NAALADL2: variants seen among roughly 807,000 people sequenced by gnomAD.
NAALADL2 encodes N-acetylated alpha-linked acidic dipeptidase like 2.
NAALADL2 carries 76 observed loss-of-function variants against 87.2 expected under a neutral mutation model. That is an observed-to-expected ratio of 0.87 (90% CI 0.72 to 1.05). NAALADL2 has a LOEUF of 1.05. Ranked by LOEUF, NAALADL2 falls within the 50% of genes least tolerant of loss-of-function variation. NAALADL2 has a pLI of 0.00. For missense variants in NAALADL2, 1,089 were observed against 945.8 expected (o/e 1.15, Z -1.99); for synonymous variants, 354 against 331.0 (o/e 1.07, Z -0.75).
intron 2 of NAALADL2, among the ~76,000 whole-genome samples, chr3:175,142,547 T>G (rs1398715731): frequency 6.6e-6 from 1 of 152,032 alleles, no homozygotes; most frequent in East Asian, 1.9e-4. Context: ...GGACTCAGAT[T>G]TAAACCCATG....
intron 9 of NAALADL2, among the ~76,000 whole-genome samples, chr3:175,494,542 C>A (rs1360988321): frequency 1.3e-5 from 2 of 152,096 alleles, no homozygotes; most frequent in African/African-American, 4.8e-5. Context: ...AGGTCAGTTT[C>A]TTCAGTTCTA....
intron 4 of NAALADL2, among the ~76,000 whole-genome samples, chr3:175,286,417 C>T (rs1318146109): frequency 6.6e-6 from 1 of 152,150 alleles, no homozygotes; most frequent in East Asian, 1.9e-4. Flanking sequence ...GCATAGGCAC[C>T]TGTTTAAGGC....
chr3:175,360,084 T>A (rs139076146), intron 5 of NAALADL2, among the ~76,000 whole-genome samples: 32 of 152,314 alleles, frequency 2.1e-4, no homozygotes, highest in Non-Finnish European at 3.4e-4. Context: ...ACTTCATCTC[T>A]ACTCCCTATC....
At chr3:175,202,054 T>C (rs1458202984) in intron 2 of NAALADL2, among the ~76,000 whole-genome samples, 1 of 152,200 alleles carries the variant, frequency 6.6e-6, no homozygotes, top group Non-Finnish European at 1.5e-5. Flanking sequence ...TATTTATTTT[T>C]TTTTTTACAT....
intron 10 of NAALADL2, among the ~76,000 whole-genome samples, chr3:175,592,307 CTTT>C (rs758914649): frequency 6.9e-5 from 3 of 43,262 alleles, no homozygotes; most frequent in African/African-American, 9.6e-5. Flanking sequence ...TTTTTCTTTT[CTTT>C]TTTTTTTTTT....
At chr3:174,997,306 T>G (rs79611044) in intron 1 of NAALADL2, among the ~76,000 whole-genome samples, 2,285 of 152,220 alleles carry the variant, frequency 0.015, 48 homozygotes, top group African/African-American at 0.05. Flanking sequence ...TGTAACAGTG[T>G]TCCCTTTCAT....
At chr3:175,220,426 T>A (rs1743185495) in intron 2 of NAALADL2, among the ~76,000 whole-genome samples, 1 of 151,908 alleles carries the variant, frequency 6.6e-6, no homozygotes, top group Non-Finnish European at 1.5e-5. Flanking sequence ...TTTGTGACAG[T>A]TTTTTAACTT....
chr3:175,442,371 G>A (rs1003083828), intron 5 of NAALADL2, among the ~76,000 whole-genome samples: 1 of 152,092 alleles, frequency 6.6e-6, no homozygotes, highest in Non-Finnish European at 1.5e-5. Context: ...ATTGAAGTGG[G>A]CATCAACAGT....
At chr3:174,761,029 A>C (rs2109071056) in intron 3 of NAALADL2, among the ~76,000 whole-genome samples, 1 of 152,324 alleles carries the variant, frequency 6.6e-6, no homozygotes, top group South Asian at 2.1e-4. Context: ...CATTAAACTT[A>C]ACTTTCTCTT....
At chr3:174,935,521 G>A (rs530211073) in intron 1 of NAALADL2, among the ~76,000 whole-genome samples, 1 of 152,110 alleles carries the variant, frequency 6.6e-6, no homozygotes, top group Non-Finnish European at 1.5e-5. Flanking sequence ...AATTGAATTA[G>A]TAGTGGTGGA....
intron 9 of NAALADL2, among the ~76,000 whole-genome samples, chr3:175,479,069 C>T (rs932114502): frequency 6.6e-6 from 1 of 151,372 alleles, no homozygotes; most frequent in East Asian, 1.9e-4. Flanking sequence ...AAATAATAAC[C>T]GTCTCAAAAA....
At chr3:175,732,562 G>C (rs994512025) in intron 11 of NAALADL2, among the ~76,000 whole-genome samples, 1 of 152,130 alleles carries the variant, frequency 6.6e-6, no homozygotes, top group African/African-American at 2.4e-5. Context: ...AGGTAATTAT[G>C]TTCCTCTTTG....
chr3:175,466,955 G>T, intron 7 of NAALADL2, 24 bp from the exon 8 acceptor site: 1 of 1,549,782 alleles, frequency 6.5e-7, no homozygotes, highest in Non-Finnish European at 8.9e-7. Context: ...TTTTTAAATG[G>T]CTCTTGTCCC....
chr3:175,736,978 T>C (rs1001203493), intron 11 of NAALADL2, among the ~76,000 whole-genome samples: 1 of 152,174 alleles, frequency 6.6e-6, no homozygotes, highest in Admixed American at 6.5e-5. Context: ...GGTCATGTGA[T>C]ACTACGAACT....
At chr3:174,642,769 TATATATATATATATATA>T (rs1560112473) in intron 2 of NAALADL2, among the ~76,000 whole-genome samples, 3 of 36,470 alleles carry the variant, frequency 8.2e-5, no homozygotes, top group African/African-American at 5.1e-4. Context: ...TATATATATA[TATATATATATATATATA>T]TATGTTTTTT....
At chr3:175,362,108 A>T (rs533897886) in intron 5 of NAALADL2, among the ~76,000 whole-genome samples, 1 of 148,474 alleles carries the variant, frequency 6.7e-6, no homozygotes, top group East Asian at 2.0e-4. Flanking sequence ...TTCCAGCGCC[A>T]TTTATTAAAT....
intron 1 of NAALADL2, among the ~76,000 whole-genome samples, chr3:175,051,784 C>T (rs973531330): frequency 1.3e-5 from 2 of 152,172 alleles, no homozygotes; most frequent in African/African-American, 4.8e-5. Flanking sequence ...GGATTGAATT[C>T]TGAAGTACAG....
At chr3:174,526,144 A>G (rs896188876) in intron 1 of NAALADL2, among the ~76,000 whole-genome samples, 2 of 152,090 alleles carry the variant, frequency 1.3e-5, no homozygotes, top group African/African-American at 4.8e-5. Context: ...CTTCTCCCTC[A>G]CTTACCAGTT....
chr3:175,506,054 GACT>G (rs2149381672), intron 9 of NAALADL2, among the ~76,000 whole-genome samples: 1 of 152,146 alleles, frequency 6.6e-6, no homozygotes, highest in African/African-American at 2.4e-5. Context: ...TAAGAATTCT[GACT>G]ACTGCCATCA....
Sources: allele counts gnomAD v4.1 joint callset (sites outside exome capture counted in the v4.1 genomes callset), GRCh38; gene constraint gnomAD v4.1.1; transcripts MANE v1.5; gene names NCBI Gene and HGNC (gene_info 2026-07-23, HGNC 2026-07-21).